KIF18A: variants seen among roughly 807,000 people sequenced by gnomAD.
KIF18A encodes the protein kinesin family member 18A.
A neutral mutation model predicts 103.3 loss-of-function variants in KIF18A; 67 were observed. The ratio of observed to expected loss-of-function variants is 0.65; its 90% CI spans 0.53 to 0.79. The LOEUF (loss-of-function observed/expected upper bound fraction) is 0.79. KIF18A is among the 30% of genes least tolerant of loss of function. KIF18A has a pLI of 0.00. For synonymous variants in KIF18A, 367 were observed against 355.5 expected (o/e 1.03, Z -0.36); for missense variants, 1,032 against 1,062.5 (o/e 0.97, Z 0.40).
At chr11:28,034,663 A>G (rs1311826035) in intron 15 of KIF18A, among the ~76,000 whole-genome samples, 1 of 151,758 alleles carries the variant, frequency 6.6e-6, no homozygotes, top group Non-Finnish European at 1.5e-5. Flanking sequence ...ACCTGTACAG[A>G]ATAATTTTGT....
intron 16 of KIF18A, 84 bp downstream of exon 16, chr11:28,023,657 T>A: frequency 1.6e-6 from 1 of 639,856 alleles, no homozygotes; most frequent in Non-Finnish European, 2.7e-6. Flanking sequence ...GAGATTCTTA[T>A]GAAAACACAA....
intron 13 of KIF18A, among the ~76,000 whole-genome samples, chr11:28,039,637 T>G (rs998847613): frequency 3.3e-5 from 5 of 151,724 alleles, no homozygotes; most frequent in African/African-American, 4.8e-5. Flanking sequence ...CCACGTGTCC[T>G]CTGGGATAAT....
intron 6 of KIF18A, among the ~76,000 whole-genome samples, chr11:28,086,039 A>G (rs1851224355): frequency 6.6e-6 from 1 of 152,214 alleles, no homozygotes; most frequent in Non-Finnish European, 1.5e-5. Flanking sequence ...ATATTGGTTC[A>G]TTAGTTGTGA....
intron 3 of KIF18A, among the ~76,000 whole-genome samples, chr11:28,093,316 A>G (rs1441265312): frequency 6.6e-6 from 1 of 152,166 alleles, no homozygotes; most frequent in Non-Finnish European, 1.5e-5. Flanking sequence ...TTTATCTATA[A>G]GTTCTAATGA....
intron 11 of KIF18A, among the ~76,000 whole-genome samples, chr11:28,068,942 C>T (rs1281604433): frequency 6.6e-6 from 1 of 152,124 alleles, no homozygotes; most frequent in Non-Finnish European, 1.5e-5. Context: ...CCTTTCAAAT[C>T]AACTTTCTTT....
intron 13 of KIF18A, among the ~76,000 whole-genome samples, chr11:28,050,850 T>C (rs1261868586): frequency 1.3e-5 from 2 of 151,786 alleles, no homozygotes; most frequent in African/African-American, 4.8e-5. Context: ...AAGGTAAAGA[T>C]TTCACGTCAA....
At chr11:28,043,243 G>T (rs1850584129) in intron 13 of KIF18A, among the ~76,000 whole-genome samples, 1 of 151,882 alleles carries the variant, frequency 6.6e-6, no homozygotes. Flanking sequence ...TATCACACAT[G>T]GATGAGATAC....
chr11:28,093,775 T>C (rs906781758), intron 3 of KIF18A, among the ~76,000 whole-genome samples: 2 of 152,158 alleles, frequency 1.3e-5, no homozygotes, highest in African/African-American at 4.8e-5. Context: ...TGATGGAATT[T>C]AAAAATCACC....
chr11:28,062,496 A>G lies in KIF18A; in HGVS notation c.1611T>C (p.His537=), dbSNP rs747140751. Residue 537 remains histidine, a synonymous_variant, in exon 12 of 17, where the codon CAT becomes CAC. Coordinates refer to ENST00000263181, the MANE Select transcript of KIF18A (RefSeq NM_031217.4). ...HIPKELKKDL[H]CHHLHLQNKD... is the part of the protein sequence containing the mutation. ...TGTTCTGGAGGTGCAAATGGTGACA[A>G]TGAAGATCTTTCTTGAGTTCCTAGG... 3 of 1,611,226 alleles carry G rather than the reference A, an allele frequency of 1.9e-6. No homozygotes were observed. Among genetic ancestry groups the G allele is most frequent in the Non-Finnish European group, 2.5e-6 (3 of 1,178,368 alleles).
At chr11:28,049,821 A>G (rs1850690172) in intron 13 of KIF18A, among the ~76,000 whole-genome samples, 1 of 151,936 alleles carries the variant, frequency 6.6e-6, no homozygotes, top group Non-Finnish European at 1.5e-5. Flanking sequence ...CAGCCTTATG[A>G]CTCATGGAAT....
At chr11:28,080,536 C>T (rs1014810372) in intron 9 of KIF18A, among the ~76,000 whole-genome samples, 1 of 151,978 alleles carries the variant, frequency 6.6e-6, no homozygotes, top group Admixed American at 6.6e-5. Flanking sequence ...TTTGATGTTA[C>T]CATTGTAATT....
Position 28,059,155 on chromosome 11 carries a change from C to T in KIF18A, c.1719G>A (p.Leu573=). ...EQQHRQTEAV[L]NALLPTLRKQ... ...TTCTTAGGGTTGGAAGTAAAGCATT[C>T]AATACTCTATATACAGAAGATGAGA... The change falls in exon 13 of 17, where the codon TTG becomes TTA. Residue 573 remains leucine (L), a synonymous_variant. Coordinates refer to ENST00000263181, the MANE Select transcript of KIF18A (RefSeq NM_031217.4). The T allele has an allele frequency of 6.2e-7, 1 of 1,600,868 alleles. No individual in the cohort carries two copies.
At chr11:28,037,951 T>G (rs985371123) in intron 13 of KIF18A, among the ~76,000 whole-genome samples, 2 of 151,668 alleles carry the variant, frequency 1.3e-5, no homozygotes, top group African/African-American at 4.8e-5. Flanking sequence ...CTCATATTTC[T>G]AATTATCCTC....
intron 10 of KIF18A, among the ~76,000 whole-genome samples, chr11:28,075,723 A>G (rs1039713142): frequency 5.9e-5 from 9 of 152,034 alleles, no homozygotes; most frequent in African/African-American, 2.2e-4. Context: ...TGTAATTTTG[A>G]AAGTTGAATT....
At chr11:28,066,518 C>T (rs1031754619) in intron 11 of KIF18A, among the ~76,000 whole-genome samples, 19 of 151,416 alleles carry the variant, frequency 1.3e-4, no homozygotes, top group African/African-American at 4.6e-4. Context: ...TCTTTTTTTG[C>T]TTACTCCTTT....
At position 28,097,749 on chromosome 11, in the gene KIF18A, T is replaced by C; in HGVS notation, c.199A>G (p.Lys67Glu). The C allele has an allele frequency of 6.2e-7, 1 of 1,611,278 alleles. No homozygotes were observed. Among genetic ancestry groups the C allele is most frequent in the Non-Finnish European group, 8.5e-7 (1 of 1,178,294 alleles). The change falls in exon 2 of 17, where the codon AAA (lysine) becomes GAA (glutamate). Residue 67 changes from lysine to glutamate, a missense_variant. Coordinates refer to ENST00000263181, the MANE Select transcript of KIF18A (RefSeq NM_031217.4). ...ACAAATTTAAGATCCTTATTTTGTT[T>C]CTTTATAACATTTTGATTTGTAGTT... ...KKTTNQNVIKKQNKDLKFVFD... is the reference protein window; with the variant it reads ...KKTTNQNVIKEQNKDLKFVFD...
intron 10 of KIF18A, 150 bp downstream of exon 10, chr11:28,076,857 C>T: frequency 2.4e-6 from 1 of 412,660 alleles, no homozygotes; most frequent in Non-Finnish European, 4.2e-6. Flanking sequence ...TTGCTTGAAT[C>T]CGGAAGGCAG....
At chr11:28,052,609 T>C (rs1253867975) in intron 13 of KIF18A, among the ~76,000 whole-genome samples, 1 of 152,048 alleles carries the variant, frequency 6.6e-6, no homozygotes, top group Admixed American at 6.6e-5. Flanking sequence ...ATCTCTCTCC[T>C]CCCTGGCCAC....
chr11:28,096,645 G>T (rs186965140), intron 2 of KIF18A, among the ~76,000 whole-genome samples: 1 of 152,234 alleles, frequency 6.6e-6, no homozygotes, highest in East Asian at 1.9e-4. Context: ...AATCACAGTA[G>T]TACCAATCAA....
Sources: gnomAD v4.1 joint callset for allele counts (sites outside exome capture counted in the v4.1 genomes callset) on GRCh38, gnomAD v4.1.1 for gene constraint, MANE v1.5 for transcripts, NCBI Gene and HGNC (gene_info 2026-07-23, HGNC 2026-07-21) for gene names.